Variants in ADCY2 observed in about 807,000 individuals in gnomAD.
ADCY2 encodes the protein adenylate cyclase 2, also known as adenylate cyclase type 2.
A neutral mutation model predicts 125.2 loss-of-function variants in ADCY2; 31 were observed. That is an observed-to-expected ratio of 0.25 (90% confidence interval 0.19 to 0.33). The LOEUF (loss-of-function observed/expected upper bound fraction) is 0.33, where lower values mean the gene tolerates loss of function less well. Among genes scored for constraint, ADCY2 ranks in the 10% least tolerant of loss-of-function variants. The pLI is 1.00. For synonymous variants in ADCY2, 512 were observed against 548.4 expected (o/e 0.93, Z 0.93); for missense variants, 904 against 1,418.2 (o/e 0.64, Z 5.82).
chr5:7,559,164 T>G (rs1465472346), intron 3 of ADCY2, among the ~76,000 whole-genome samples: 1 of 152,216 alleles, frequency 6.6e-6, no homozygotes, highest in African/African-American at 2.4e-5. Flanking sequence ...TTGGGCTCTT[T>G]TGGGGTTTAA....
intron 4 of ADCY2, among the ~76,000 whole-genome samples, chr5:7,654,877 C>T (rs140716453): frequency 6.6e-6 from 1 of 152,298 alleles, no homozygotes; most frequent in African/African-American, 2.4e-5. Flanking sequence ...ATCTTGGGAC[C>T]TGGAAATCCC....
At chr5:7,440,231 A>G (rs1019666671) in intron 2 of ADCY2, among the ~76,000 whole-genome samples, 2 of 152,224 alleles carry the variant, frequency 1.3e-5, no homozygotes, top group African/African-American at 4.8e-5. Context: ...GTCATGCATT[A>G]CTTTTATATT....
At position 7,523,255 on chromosome 5, in the gene ADCY2, AT is replaced by A. The variant is rs1744524072; in HGVS notation, c.570+2357del. Reference sequence around the variant, plus strand: ...AACTTTATGTATTGCAGGTCACTGAATACTGTATTCTTTATTGAGCTGGGTT... The same window carrying A: ...AACTTTATGTATTGCAGGTCACTGAAACTGTATTCTTTATTGAGCTGGGTT... On this transcript the variant is annotated intron_variant, in intron 3 of 24. Transcript: ENST00000338316. 2.0e-5 allele frequency among the ~76,000 whole-genome samples: 3 copies of A among 151,888 alleles called. No individual in the cohort carries two copies. In the East Asian group the frequency reaches 5.8e-4, roughly 29 times the overall value.
At chr5:7,558,851 AT>A (rs969147367) in intron 3 of ADCY2, among the ~76,000 whole-genome samples, 2 of 152,038 alleles carry the variant, frequency 1.3e-5, no homozygotes, top group Non-Finnish European at 2.9e-5. Context: ...TCTTGAGTTA[AT>A]TTTTTTGTGT....
chr5:7,521,265 G>A (rs1475809956), intron 3 of ADCY2, among the ~76,000 whole-genome samples: 2 of 151,894 alleles, frequency 1.3e-5, no homozygotes, highest in African/African-American at 4.8e-5. Flanking sequence ...TTCATAGTTT[G>A]TTCCCACCTT....
intron 4 of ADCY2, among the ~76,000 whole-genome samples, chr5:7,643,489 A>G (rs1738782458): frequency 6.6e-6 from 1 of 151,994 alleles, no homozygotes; most frequent in South Asian, 2.1e-4. Flanking sequence ...GTGTTGAATG[A>G]CATTATTCTA....
chr5:7,448,472 AT>A lies in ADCY2; in HGVS notation c.408+33713del, dbSNP rs954696727. Among the ~76,000 whole-genome samples the A allele has an allele frequency of 1.7e-3, 247 of 146,698 alleles. 1 individual carries two copies. Among genetic ancestry groups the A allele is most frequent in the South Asian group, 0.011 (50 of 4,614 alleles). ...TTGGTGTTGATCAGATTCATTCATT[AT>A]TTTTTTTTTTCATCAACTTTTAAGT... On this transcript the variant is annotated intron_variant, in intron 2 of 24. Transcript: ENST00000338316.
chr5:7,761,382 G>A (rs113879969), intron 16 of ADCY2, among the ~76,000 whole-genome samples: 377 of 151,908 alleles, frequency 2.5e-3, no homozygotes, highest in African/African-American at 8.4e-3. Flanking sequence ...ACTCCTTACC[G>A]CGTGATCCAC....
At chr5:7,567,742 T>C (rs1330555606) in intron 3 of ADCY2, among the ~76,000 whole-genome samples, 2 of 152,180 alleles carry the variant, frequency 1.3e-5, no homozygotes, top group East Asian at 3.9e-4. Context: ...TAGAAGTACA[T>C]AACATTTATA....
At chr5:7,520,170 G>T (rs999415695) in intron 2 of ADCY2, among the ~76,000 whole-genome samples, 4 of 152,184 alleles carry the variant, frequency 2.6e-5, no homozygotes, top group African/African-American at 9.7e-5. Flanking sequence ...AATATACACA[G>T]GAGTAGAACT....
At chr5:7,696,690 T>C (rs1740904882) in intron 6 of ADCY2, among the ~76,000 whole-genome samples, 1 of 152,230 alleles carries the variant, frequency 6.6e-6, no homozygotes, top group Admixed American at 6.5e-5. Flanking sequence ...GTGATTTAGA[T>C]CACTTTTAAA....
At chr5:7,701,291 C>G (rs750818614) in intron 7 of ADCY2, among the ~76,000 whole-genome samples, 41 of 152,124 alleles carry the variant, frequency 2.7e-4, no homozygotes, top group Non-Finnish European at 5.4e-4. Flanking sequence ...CACCCATTTA[C>G]TAAAGCCTTG....
chr5:7,740,701 C>CTT (rs1158333935), intron 14 of ADCY2, among the ~76,000 whole-genome samples: 2 of 151,980 alleles, frequency 1.3e-5, no homozygotes, highest in Non-Finnish European at 2.9e-5. Context: ...ATTCAGACTT[C>CTT]TGAGTTACTT....
intron 3 of ADCY2, among the ~76,000 whole-genome samples, chr5:7,556,492 G>T (rs867945144): frequency 6.6e-6 from 1 of 152,214 alleles, no homozygotes; most frequent in African/African-American, 2.4e-5. Flanking sequence ...TTCTCAGTAT[G>T]TCAAGCTTTA....
intron 2 of ADCY2, among the ~76,000 whole-genome samples, chr5:7,519,969 G>A (rs562417697): frequency 1.3e-5 from 2 of 152,248 alleles, no homozygotes; most frequent in African/African-American, 4.8e-5. Flanking sequence ...TCCCCTGTAT[G>A]GTAGCATGCA....
intron 4 of ADCY2, among the ~76,000 whole-genome samples, chr5:7,633,223 G>A (rs1035468008): frequency 3.3e-5 from 5 of 152,022 alleles, no homozygotes; most frequent in Non-Finnish European, 7.4e-5. Flanking sequence ...CTGAGGTCAG[G>A]AGTTTGAGAC....
At chr5:7,769,161 C>T (rs1442631075) in intron 17 of ADCY2, among the ~76,000 whole-genome samples, 1 of 152,046 alleles carries the variant, frequency 6.6e-6, no homozygotes, top group Non-Finnish European at 1.5e-5. Context: ...ACTTTTTACC[C>T]TGTAACACTA....
At chr5:7,762,307 G>C (rs938282074) in intron 16 of ADCY2, among the ~76,000 whole-genome samples, 1 of 152,264 alleles carries the variant, frequency 6.6e-6, no homozygotes, top group East Asian at 1.9e-4. Flanking sequence ...CCTGGCTGTA[G>C]AGCCTTGTTT....
At chr5:7,682,375 G>C (rs1381043637) in intron 4 of ADCY2, among the ~76,000 whole-genome samples, 11 of 152,196 alleles carry the variant, frequency 7.2e-5, no homozygotes, top group Admixed American at 7.2e-4. Flanking sequence ...TAAGGTGAAA[G>C]TTAGCAGAGC....
Sources: allele counts gnomAD v4.1 joint callset (sites outside exome capture counted in the v4.1 genomes callset), GRCh38; gene constraint gnomAD v4.1.1; transcripts MANE v1.5; gene names NCBI Gene and HGNC (gene_info 2026-07-23, HGNC 2026-07-21).